CLUH: variants seen among roughly 807,000 people sequenced by gnomAD.
CLUH encodes the protein CLUH binding protein of NUMT mRNA.
A neutral mutation model predicts 139.3 loss-of-function variants in CLUH; 77 were observed. The observed-to-expected ratio is 0.55, with a 90% CI of 0.46 to 0.67. The LOEUF (loss-of-function observed/expected upper bound fraction) is 0.67, where lower values mean the gene tolerates loss of function less well. CLUH is among the 30% of genes least tolerant of loss of function. The pLI, the probability that CLUH is intolerant of heterozygous loss-of-function variation, is 0.00. For synonymous variants in CLUH, 999 were observed against 801.6 expected (o/e 1.25, Z -4.16); for missense variants, 1,876 against 1,875.8 (o/e 1.00, Z 0.00).
rs1375818702 is a variant in CLUH, at chr17:2,706,671, G to A, written c.101-2107C>T. Among the ~76,000 whole-genome samples the A allele has an allele frequency of 6.6e-6, 1 of 152,172 alleles. No individual in the cohort carries two copies. The highest frequency in any genetic ancestry group is 1.5e-5 in the Non-Finnish European group (1 of 68,034). Reference sequence around the variant, plus strand: ...AGTGACAGAGCAGAAAGACAGCCGGGGCGGTGGTCGGTCAGCTTGCAAACA... The same window carrying A: ...AGTGACAGAGCAGAAAGACAGCCGGAGCGGTGGTCGGTCAGCTTGCAAACA... On this transcript the variant is annotated intron_variant, in intron 1 of 25. Transcript: ENST00000651024. The surrounding 1 kb of genome is among the most constrained non-coding windows in gnomAD (Gnocchi z 4.6).
chr17:2,700,527 G>C (rs1446675583), intron 8 of CLUH, 53 bp from the exon 9 acceptor site: 3 of 1,572,852 alleles, frequency 1.9e-6, no homozygotes, highest in Non-Finnish European at 2.6e-6. Context: ...CCTGTGACCT[G>C]CTCCCGGAAG....
chr17:2,692,731 C>T, intron 20 of CLUH, 35 bp from the exon 21 acceptor site: 1 of 1,601,854 alleles, frequency 6.2e-7, no homozygotes, highest in Non-Finnish European at 8.5e-7. Flanking sequence ...AGGGTGGCCG[C>T]GGACCCAGCC....
rs1009895721 is a variant in CLUH, at chr17:2,706,820, G to C, written c.101-2256C>G. 1.3e-5 allele frequency among the ~76,000 whole-genome samples: 2 copies of C among 152,158 alleles called. No individual in the cohort carries two copies. Among genetic ancestry groups the C allele is most frequent in the Non-Finnish European group, 2.9e-5 (2 of 68,014 alleles). On this transcript the variant is annotated intron_variant, in intron 1 of 25. Coordinates refer to ENST00000651024, the MANE Select transcript of CLUH (RefSeq NM_001366661.1). The surrounding 1 kb of genome is among the most constrained non-coding windows in gnomAD (Gnocchi z 4.6). ...AAGGGCCCCCACCCAATATAGAACA[G>C]CAGTTTTGAGCTATGAGATCCCAAA...
rs2069540686 is a variant in CLUH, at chr17:2,689,560, C to T, written c.*1034G>A. ...ACCCATAAGCGGCTCTCCGCAAACC[C>T]AGGCAGACGCCCGTCTCCTCCGGGT... On this transcript the variant is annotated 3_prime_UTR_variant, in exon 26 of 26. Coordinates refer to ENST00000651024, the MANE Select transcript of CLUH (RefSeq NM_001366661.1). The T allele has an allele frequency of 6.5e-6, 1 of 152,954 alleles. No individual in the cohort carries two copies. Among genetic ancestry groups the T allele is most frequent in the Admixed American group, 6.5e-5 (1 of 15,286 alleles). 9.5% of individuals were successfully genotyped at this position (152,954 alleles called of 1,614,324 possible). A position where few individuals can be genotyped will look rare whatever the true frequency, so the allele number is the denominator to read the frequency against.
chr17:2,691,143 G>A (rs1419006256), intron 25 of CLUH, among the ~76,000 whole-genome samples: 4 of 151,504 alleles, frequency 2.6e-5, no homozygotes, highest in East Asian at 2.0e-4. Flanking sequence ...CCCCCCCGCC[G>A]CAGGATGGGA....
Position 2,698,428 on chromosome 17 carries a change from A to C in CLUH, c.1429T>G (p.Phe477Val). 6.2e-7 allele frequency: 1 copy of C among 1,613,264 alleles called. No individual in the cohort carries two copies. Among genetic ancestry groups the C allele is most frequent in the South Asian group, 1.1e-5 (1 of 91,066 alleles). ...ACGTAGGCCGCCACGTCCCCCCCGA[A>C]GTCCTTGTAGTGGTCTCGGACGTCG... ...GFDVRDHYKDFGGDVAAYVAP... is the reference protein window; with the variant it reads ...GFDVRDHYKDVGGDVAAYVAP... Residue 477 changes from phenylalanine to valine, a missense_variant, in exon 10 of 26, where the codon TTC becomes GTC. Physicochemically the swap from Phe to Val is conservative, Grantham distance 50. Transcript: ENST00000651024.
In CLUH at chr17:2,698,051, G is replaced by C. The variant is rs567971681; in HGVS notation, c.1806C>G (p.Leu602=). The C allele has an allele frequency of 1.4e-5, 23 of 1,606,592 alleles. No individual in the cohort carries two copies. The Middle Eastern group carries it at 8.2e-4, about 58-fold the overall frequency. The change falls in exon 10 of 26, where the codon CTC becomes CTG. Residue 602 remains leucine, a synonymous_variant. Coordinates refer to ENST00000651024, the MANE Select transcript of CLUH (RefSeq NM_001366661.1). ...CCGGGGGGAAGGTGCGCAGCAGGTC[G>C]AGGATGTAGTGGCGCCCGTCGTTGC... The part of the protein sequence containing the change: ...IIGNDGRHYI[L]DLLRTFPPDL...
chr17:2,695,530 C>G lies in CLUH; in HGVS notation c.2392-4G>C. 6.3e-7 allele frequency: 1 copy of G among 1,592,508 alleles called. No individual in the cohort carries two copies. ...CGTGCTCCATGCAGTCCTTCACCTG[C>G]GGGCTGCAGCAGCTCAGGCCCCCAC... On this transcript the variant is annotated splice_polypyrimidine_tract_variant and splice_region_variant and intron_variant, in intron 13 of 25. Coordinates refer to ENST00000651024, the MANE Select transcript of CLUH (RefSeq NM_001366661.1).
In CLUH at chr17:2,690,466, G is replaced by A. The variant is rs979122099; in HGVS notation, c.*128C>T. On this transcript the variant is annotated 3_prime_UTR_variant, in exon 26 of 26. Transcript: ENST00000651024. ...GCCAGGCTCCCAGGAGGACACGGGGGTGGGGTGGGGTGAGACGTGGAGGAA... is the reference window on the plus strand; with the variant it reads ...GCCAGGCTCCCAGGAGGACACGGGGATGGGGTGGGGTGAGACGTGGAGGAA... The A allele has an allele frequency of 2.9e-5, 23 of 796,732 alleles. No individual in the cohort carries two copies. The African/African-American group carries it at 2.9e-4, about 10-fold the overall frequency. 49.4% of individuals were successfully genotyped at this position (796,732 alleles called of 1,614,324 possible).
chr17:2,698,206 A>C lies in CLUH; in HGVS notation c.1651T>G (p.Ser551Ala), dbSNP rs1182046214. Residue 551 changes from serine to alanine, a missense_variant, in exon 10 of 26, where the codon TCA becomes GCA. Transcript: ENST00000651024. ...GSIDFGKTVV[S>A]HPRYLELLER... is the part of the protein sequence containing the mutation. The stretch of plus-strand genomic sequence containing the variant: ...AGCAGCTCCAGGTACCGCGGGTGTG[A>C]CACCACGGTCTTGCCGAAGTCGATG... 6.3e-7 allele frequency: 1 copy of C among 1,580,138 alleles called. No homozygotes were observed. Among genetic ancestry groups the C allele is most frequent in the Non-Finnish European group, 8.6e-7 (1 of 1,164,068 alleles).
At chr17:2,692,141 G>C (rs2069714045) in intron 22 of CLUH, 44 bp from the exon 23 acceptor site, 4 of 1,544,238 alleles carry the variant, frequency 2.6e-6, no homozygotes, top group East Asian at 2.4e-5. Flanking sequence ...GCATAAGTGG[G>C]CTGGGTGTGG....
At chr17:2,700,645 T>C (rs775979337) in intron 8 of CLUH, 33 bp downstream of exon 8, 7 of 1,515,940 alleles carry the variant, frequency 4.6e-6, no homozygotes, top group Non-Finnish European at 6.2e-6. Context: ...AGGGCAGGGG[T>C]GCCCAGCGAG....
Position 2,691,675 on chromosome 17 carries a change from G to C in CLUH, c.3797C>G (p.Ala1266Gly). ...SANIPPLKFT[A>G]PSMASVLEQL... is the part of the protein sequence containing the mutation. The stretch of plus-strand genomic sequence containing the variant: ...CTCCAAGACGCTGGCCATGCTGGGG[G>C]CCGTGAACTGCGGGGCGGGGAAACC... Residue 1266 changes from alanine to glycine, a missense_variant, in exon 25 of 26, where the codon GCC becomes GGC. Physicochemically the swap from Ala to Gly is moderately conservative, Grantham distance 60. Coordinates refer to ENST00000651024, the MANE Select transcript of CLUH (RefSeq NM_001366661.1). 6.2e-7 allele frequency: 1 copy of C among 1,612,352 alleles called. No homozygotes were observed. The highest frequency in any genetic ancestry group is 8.5e-7 in the Non-Finnish European group (1 of 1,179,226).
chr17:2,694,927 T>C lies in CLUH; in HGVS notation c.2782A>G (p.Met928Val). 1.2e-6 allele frequency: 2 copies of C among 1,604,848 alleles called. No individual in the cohort carries two copies. The highest frequency in any genetic ancestry group is 1.7e-6 in the Non-Finnish European group (2 of 1,175,046). Residue 928 changes from methionine (M) to valine (V), a missense_variant, in exon 16 of 26, where the codon ATG (methionine) becomes GTG (valine). Met to Val is a conservative substitution (Grantham distance 21). This residue lies in a region of CLUH where 1,454 missense variants were observed against 1,384.4 expected (regional missense o/e 1.05). Coordinates refer to ENST00000651024, the MANE Select transcript of CLUH (RefSeq NM_001366661.1). Reference sequence around the variant, plus strand: ...TTCTTCCAGAGCTCCTGGGGGGTCATGACAGCCCAGGCTGTGTTATCTGCA... The same window carrying C: ...TTCTTCCAGAGCTCCTGGGGGGTCACGACAGCCCAGGCTGTGTTATCTGCA... ...GAADNTAWAV[M>V]TPQELWKNIC...
intron 9 of CLUH, among the ~76,000 whole-genome samples, chr17:2,699,631 ATTTC>A (rs1442213284): frequency 7.9e-6 from 1 of 127,196 alleles, no homozygotes; most frequent in Non-Finnish European, 1.7e-5. Context: ...CCTGGCTGAG[ATTTC>A]TTTTTTTTTT....
chr17:2,697,023 G>C (rs1027034529), intron 10 of CLUH, 81 bp from the exon 11 acceptor site: 2 of 1,130,736 alleles, frequency 1.8e-6, no homozygotes, highest in African/African-American at 1.6e-5. Flanking sequence ...CCGGCAGCTG[G>C]GGCTCCACAC....
chr17:2,690,302 C>A lies in CLUH; in HGVS notation c.*292G>T, dbSNP rs1229910365. ...CAGGGGCGCACTCGCACACGCCGGCCGGACGGCGGGGGCCGAAGCAACACC... is the reference window on the plus strand; with the variant it reads ...CAGGGGCGCACTCGCACACGCCGGCAGGACGGCGGGGGCCGAAGCAACACC... On this transcript the variant is annotated 3_prime_UTR_variant, in exon 26 of 26. Transcript: ENST00000651024. 4 of 375,478 alleles carry A rather than the reference C, an allele frequency of 1.1e-5. No homozygotes were observed. Among genetic ancestry groups the A allele is most frequent in the Non-Finnish European group, 1.9e-5 (4 of 210,538 alleles). The allele number at this position is 375,478 out of a possible 1,614,324, so 23.3% of individuals were successfully genotyped here. A position where few individuals can be genotyped will look rare whatever the true frequency, so the allele number is the denominator to read the frequency against.
In CLUH at chr17:2,692,597, C is replaced by A. The variant is rs1480959760; in HGVS notation, c.3412G>T (p.Asp1138Tyr). ...TCCAGCAGCGCCATCTCGGGGTGGTCTTCCCCGAACACCAGCAGCATGAGG... is the reference window on the plus strand; with the variant it reads ...TCCAGCAGCGCCATCTCGGGGTGGTATTCCCCGAACACCAGCAGCATGAGG... ...RYLMLLVFGEDHPEMALLDNN... is the reference protein window; with the variant it reads ...RYLMLLVFGEYHPEMALLDNN... Residue 1138 changes from aspartate to tyrosine, a missense_variant, in exon 21 of 26, where the codon GAC becomes TAC. Asp to Tyr is a radical substitution (Grantham distance 160). This residue lies in a region of CLUH where 1,454 missense variants were observed against 1,384.4 expected (regional missense o/e 1.05). Coordinates refer to ENST00000651024, the MANE Select transcript of CLUH (RefSeq NM_001366661.1). 1.2e-6 allele frequency: 2 copies of A among 1,612,532 alleles called. No homozygotes were observed. Among genetic ancestry groups the A allele is most frequent in the Non-Finnish European group, 1.7e-6 (2 of 1,179,560 alleles).
chr17:2,692,343 G>T lies in CLUH; in HGVS notation c.3560+18C>A. The stretch of plus-strand genomic sequence containing the variant: ...CAGGCCTCCGCCGGCCTTGGCGTTT[G>T]GACGGGCGGCCCCTCACCTGAGGGC... On this transcript the variant is annotated intron_variant, in intron 22 of 25. Transcript: ENST00000651024. 6.5e-7 allele frequency: 1 copy of T among 1,541,122 alleles called. No individual in the cohort carries two copies.
Sources: allele counts gnomAD v4.1 joint callset (sites outside exome capture counted in the v4.1 genomes callset), GRCh38; gene constraint gnomAD v4.1.1; regional missense constraint gnomAD v4.1.1; non-coding constraint Gnocchi (gnomAD v3.1); transcripts MANE v1.5; gene names NCBI Gene and HGNC (gene_info 2026-07-23, HGNC 2026-07-21).